Variants in ASXL2 observed in about 807,000 individuals in gnomAD.
The protein encoded by ASXL2 is ASXL transcriptional regulator 2.
In ASXL2, 23 loss-of-function variants were observed where a neutral mutation model predicts 122.0. That is an observed-to-expected ratio of 0.19 (90% CI 0.14 to 0.27). The LOEUF (loss-of-function observed/expected upper bound fraction) is 0.27, where lower values mean the gene tolerates loss of function less well. Ranked by LOEUF, ASXL2 falls within the 10% of genes least tolerant of loss-of-function variation. The pLI is 1.00. For synonymous variants in ASXL2, 650 were observed against 637.0 expected, an observed-to-expected ratio of 1.02 and a Z score of -0.31; for missense variants, 1,518 against 1,713.8, an observed-to-expected ratio of 0.89 and a Z score of 2.02.
chr2:25,876,706 T>C (rs1034103287), intron 1 of ASXL2, among the ~76,000 whole-genome samples: 1 of 152,168 alleles, frequency 6.6e-6, no homozygotes, highest in African/African-American at 2.4e-5. Context: ...AAAAAAAGTA[T>C]AGGAGTCTTA....
chr2:25,858,016 C>T (rs936104100), intron 1 of ASXL2, among the ~76,000 whole-genome samples: 1 of 152,118 alleles, frequency 6.6e-6, no homozygotes, highest in Non-Finnish European at 1.5e-5. Flanking sequence ...CATTTGTTCA[C>T]TGCTACATCC....
intron 2 of ASXL2, among the ~76,000 whole-genome samples, chr2:25,838,841 C>T (rs751394328): frequency 6.6e-6 from 1 of 152,054 alleles, no homozygotes; most frequent in Non-Finnish European, 1.5e-5. Context: ...TGAAGTATAC[C>T]GTCAAAATGT....
chr2:25,780,352 T>C (rs985311263), intron 5 of ASXL2: 2 of 152,174 alleles, frequency 1.3e-5, no homozygotes, highest in African/African-American at 2.4e-5. Context: ...TTCCTTTTAA[T>C]AGTTGCATAG....
At chr2:25,856,667 C>T in intron 1 of ASXL2, 1 of 1,266,384 alleles carries the variant, frequency 7.9e-7, no homozygotes, top group South Asian at 1.2e-5. Flanking sequence ...GGCTCACCAT[C>T]AACCCTCAGC....
At chr2:25,823,394 G>A (rs1315345261) in intron 3 of ASXL2, among the ~76,000 whole-genome samples, 1 of 152,156 alleles carries the variant, frequency 6.6e-6, no homozygotes, top group Non-Finnish European at 1.5e-5. Context: ...CACCTTACTG[G>A]TAACCTGCTA....
chr2:25,874,554 G>A (rs1245271455), intron 1 of ASXL2, among the ~76,000 whole-genome samples: 1 of 152,164 alleles, frequency 6.6e-6, no homozygotes, highest in Non-Finnish European at 1.5e-5. Context: ...CACAGGCTAA[G>A]GAGGGAGGAG....
Position 25,816,125 on chromosome 2 carries a change from T to C in ASXL2, c.144-9788A>G, listed in dbSNP as rs530039478. 1.9e-3 allele frequency among the ~76,000 whole-genome samples: 296 copies of C among 152,192 alleles called. 1 individual carries two copies. Among genetic ancestry groups the C allele is most frequent in the African/African-American group, 6.9e-3 (288 of 41,542 alleles). On this transcript the variant is annotated intron_variant, in intron 3 of 12. Transcript: ENST00000435504. ...TTGGCTGGGTGCGGTGGCTCACACC[T>C]GTAATCCCAGCACTTTGGAAGACCA... is the stretch of plus-strand genomic sequence containing the variant.
chr2:25,769,495 C>A (rs1186591014), intron 6 of ASXL2, among the ~76,000 whole-genome samples: 3 of 152,070 alleles, frequency 2.0e-5, no homozygotes, highest in African/African-American at 7.2e-5. Context: ...CTGGTTCTAA[C>A]AACAGTGTGG....
intron 1 of ASXL2, among the ~76,000 whole-genome samples, chr2:25,853,508 C>A (rs2089742540): frequency 6.6e-6 from 1 of 152,120 alleles, no homozygotes; most frequent in Non-Finnish European, 1.5e-5. Context: ...TGTTGGTCTT[C>A]TTCAGGGTTC....
At chr2:25,812,555 C>T (rs1303800891) in intron 3 of ASXL2, among the ~76,000 whole-genome samples, 1 of 152,136 alleles carries the variant, frequency 6.6e-6, no homozygotes, top group South Asian at 2.1e-4. Context: ...GTTGAGAGGA[C>T]AGAAAACTGC....
chr2:25,771,291 T>C, intron 6 of ASXL2, 149 bp downstream of exon 6: 1 of 608,982 alleles, frequency 1.6e-6, no homozygotes, highest in Non-Finnish European at 2.8e-6. Context: ...GGTGCATAAA[T>C]TACTAAAACC....
chr2:25,772,984 G>A (rs1012907029), intron 5 of ASXL2, among the ~76,000 whole-genome samples: 5 of 151,824 alleles, frequency 3.3e-5, no homozygotes, highest in Admixed American at 6.6e-5. Context: ...TGAGGCAGGC[G>A]GATCGACTGA....
At chr2:25,759,454 T>A (rs779807570) in intron 9 of ASXL2, 28 bp downstream of exon 9, 4 of 1,598,900 alleles carry the variant, frequency 2.5e-6, no homozygotes, top group East Asian at 2.2e-5. Flanking sequence ...CAGCTATTTT[T>A]AAAATCTTAA....
chr2:25,871,425 T>C (rs1266443814), intron 1 of ASXL2, among the ~76,000 whole-genome samples: 1 of 152,154 alleles, frequency 6.6e-6, no homozygotes, highest in Non-Finnish European at 1.5e-5. Flanking sequence ...CTACAAGAGA[T>C]GCAGGAGTAG....
intron 1 of ASXL2, among the ~76,000 whole-genome samples, chr2:25,850,582 C>A (rs978513686): frequency 2.0e-5 from 3 of 152,176 alleles, no homozygotes; most frequent in Non-Finnish European, 4.4e-5. Flanking sequence ...CATCAGAACA[C>A]ACAAAACATC....
At chr2:25,786,460 C>T (rs990242942) in intron 5 of ASXL2, among the ~76,000 whole-genome samples, 6 of 151,750 alleles carry the variant, frequency 4.0e-5, no homozygotes, top group South Asian at 2.1e-4. Context: ...AGGATGGTCT[C>T]GATCTCCTGA....
intron 5 of ASXL2, among the ~76,000 whole-genome samples, chr2:25,784,208 C>T (rs916376717): frequency 3.3e-5 from 5 of 151,982 alleles, no homozygotes; most frequent in South Asian, 4.2e-4. Context: ...GTTGTGATCA[C>T]GCCACTGCCT....
At chr2:25,858,054 T>C (rs748453891) in intron 1 of ASXL2, among the ~76,000 whole-genome samples, 8 of 152,076 alleles carry the variant, frequency 5.3e-5, no homozygotes, top group Non-Finnish European at 1.0e-4. Context: ...GCCTGGCATA[T>C]AGTAAGTGCT....
At chr2:25,876,139 G>A (rs550028716) in intron 1 of ASXL2, among the ~76,000 whole-genome samples, 24 of 152,158 alleles carry the variant, frequency 1.6e-4, no homozygotes, top group African/African-American at 5.5e-4. Context: ...CTGAGACTGG[G>A]GCTTCATGTA....
Sources: allele counts gnomAD v4.1 joint callset (sites outside exome capture counted in the v4.1 genomes callset), GRCh38; gene constraint gnomAD v4.1.1; transcripts MANE v1.5; gene names NCBI Gene and HGNC (gene_info 2026-07-23, HGNC 2026-07-21).